Variants in RHBDL2 observed in about 807,000 individuals in gnomAD.
RHBDL2 encodes rhomboid-related protein 2.
A neutral mutation model predicts 31.7 loss-of-function variants in RHBDL2; 26 were observed. That is an observed-to-expected ratio of 0.82 (90% CI 0.60 to 1.14). RHBDL2 has a LOEUF of 1.14. Ranked by LOEUF, RHBDL2 falls within the 50% of genes most tolerant of loss-of-function variation. RHBDL2 has a pLI of 0.00. For synonymous variants in RHBDL2, 123 were observed against 127.2 expected, an observed-to-expected ratio of 0.97 and a Z score of 0.22; for missense variants, 336 against 364.4, an observed-to-expected ratio of 0.92 and a Z score of 0.63.
At chr1:38,898,898 ACT>A (rs1642953702) in intron 4 of RHBDL2, among the ~76,000 whole-genome samples, 1 of 151,936 alleles carries the variant, frequency 6.6e-6, no homozygotes, top group Non-Finnish European at 1.5e-5. Flanking sequence ...GTACTGGAAA[ACT>A]CTTTTGTTTC....
At chr1:38,924,945 C>T (rs1643358051) in intron 1 of RHBDL2, among the ~76,000 whole-genome samples, 2 of 151,712 alleles carry the variant, frequency 1.3e-5, no homozygotes, top group Admixed American at 1.3e-4. Flanking sequence ...CCATACCCAG[C>T]TAATTTTGTA....
At chr1:38,931,930 T>G (rs1643443660) in intron 1 of RHBDL2, among the ~76,000 whole-genome samples, 1 of 152,146 alleles carries the variant, frequency 6.6e-6, no homozygotes, top group Admixed American at 6.5e-5. Flanking sequence ...AGATATGGTT[T>G]GGGTTTGTTT....
At chr1:38,910,829 A>C (rs937565288) in intron 4 of RHBDL2, among the ~76,000 whole-genome samples, 1 of 138,442 alleles carries the variant, frequency 7.2e-6, no homozygotes, top group Non-Finnish European at 1.5e-5. Context: ...TAGAGTGTGG[A>C]GTGCAGTGGC....
chr1:38,894,697 CTTTTTTTTTCTTTTTTTTT>C (rs1413518359), intron 5 of RHBDL2, among the ~76,000 whole-genome samples: 1 of 67,372 alleles, frequency 1.5e-5, no homozygotes, highest in African/African-American at 3.8e-5. Context: ...TCTTTTTTTT[CTTTTTTTTTCTTTTTTTTT>C]TTTTTTTTTG....
At position 38,925,176 on chromosome 1, in the gene RHBDL2, C is replaced by T. The variant is rs1350775896; in HGVS notation, c.-125-5839G>A. Among the ~76,000 whole-genome samples, 14 of 151,984 alleles carry T rather than the reference C, an allele frequency of 9.2e-5. No homozygotes were observed. In the East Asian group the frequency reaches 2.5e-3, roughly 27 times the overall value. On this transcript the variant is annotated intron_variant, in intron 1 of 7. Transcript: ENST00000372990. ...TCAGATGCCCTAATGCACTACATAC[C>T]ACATAGTGTCTCCCAAAATTACATT...
intron 4 of RHBDL2, among the ~76,000 whole-genome samples, chr1:38,904,938 G>A (rs1643043571): frequency 6.7e-6 from 1 of 150,038 alleles, no homozygotes. Flanking sequence ...GGCTGAGGCA[G>A]GAGAATGGCG....
At chr1:38,919,786 C>T (rs1006083773) in intron 1 of RHBDL2, among the ~76,000 whole-genome samples, 1 of 152,016 alleles carries the variant, frequency 6.6e-6, no homozygotes, top group African/African-American at 2.4e-5. Context: ...GTTGGCCAGG[C>T]TGGTCTCGAA....
At chr1:38,934,989 T>C (rs1643479529) in intron 1 of RHBDL2, among the ~76,000 whole-genome samples, 1 of 152,012 alleles carries the variant, frequency 6.6e-6, no homozygotes, top group Non-Finnish European at 1.5e-5. Flanking sequence ...AAAGAAGCTC[T>C]GTTCTGTCTC....
intron 4 of RHBDL2, among the ~76,000 whole-genome samples, chr1:38,903,525 C>G (rs1643021836): frequency 6.6e-6 from 1 of 152,068 alleles, no homozygotes; most frequent in Non-Finnish European, 1.5e-5. Context: ...AAAAACTCTG[C>G]AAGACATAAA....
intron 4 of RHBDL2, among the ~76,000 whole-genome samples, chr1:38,907,143 C>T (rs1379705737): frequency 6.6e-6 from 1 of 152,144 alleles, no homozygotes; most frequent in Non-Finnish European, 1.5e-5. Context: ...AAAAGCAATT[C>T]AACAAAGGAG....
At chr1:38,912,307 T>C (rs1643159768) in intron 3 of RHBDL2, among the ~76,000 whole-genome samples, 1 of 152,098 alleles carries the variant, frequency 6.6e-6, no homozygotes, top group East Asian at 1.9e-4. Flanking sequence ...GGTTTCACCA[T>C]GTTGGTCAGG....
chr1:38,936,951 CTT>C (rs1262544807), intron 1 of RHBDL2, among the ~76,000 whole-genome samples: 20 of 132,300 alleles, frequency 1.5e-4, no homozygotes, highest in Non-Finnish European at 8.2e-5. Flanking sequence ...CTCGAGTGTT[CTT>C]TTTTTTTTTT....
At chr1:38,918,783 A>G (rs1198648088) in intron 2 of RHBDL2, among the ~76,000 whole-genome samples, 184 bp downstream of exon 2, 1 of 152,160 alleles carries the variant, frequency 6.6e-6, no homozygotes. Flanking sequence ...GACCGTGAGT[A>G]TAGGGAAAGC....
intron 6 of RHBDL2, among the ~76,000 whole-genome samples, chr1:38,888,615 T>A (rs935651369): frequency 6.6e-5 from 10 of 152,180 alleles, no homozygotes; most frequent in African/African-American, 2.4e-4. Flanking sequence ...TAAGCAGGAA[T>A]GTGCCTGGTG....
chr1:38,903,642 C>T (rs1022766544), intron 4 of RHBDL2, among the ~76,000 whole-genome samples: 3 of 152,172 alleles, frequency 2.0e-5, no homozygotes, highest in Non-Finnish European at 2.9e-5. Context: ...GTTAAAATGT[C>T]CGTTTTCCCC....
intron 1 of RHBDL2, chr1:38,926,196 G>A: frequency 2.8e-6 from 3 of 1,090,230 alleles, no homozygotes; most frequent in Non-Finnish European, 1.1e-6. Flanking sequence ...TGGAGGTGAG[G>A]ATGGAAAAAA....
chr1:38,908,382 C>G (rs182763572), intron 4 of RHBDL2, among the ~76,000 whole-genome samples: 47 of 151,702 alleles, frequency 3.1e-4, no homozygotes, highest in Non-Finnish European at 5.9e-4. Flanking sequence ...TGTGGTGGTG[C>G]CCACCTGTAA....
Position 38,925,449 on chromosome 1 carries a change from G to A in RHBDL2, c.-125-6112C>T, listed in dbSNP as rs537855506. Among the ~76,000 whole-genome samples, 19 of 152,126 alleles carry A rather than the reference G, an allele frequency of 1.2e-4. No homozygotes were observed. In the East Asian group the frequency reaches 2.7e-3, roughly 22 times the overall value. On this transcript the variant is annotated intron_variant, in intron 1 of 7. Coordinates refer to ENST00000372990, the MANE Select transcript of RHBDL2 (RefSeq NM_017821.5). ...GGAGGTGGAGGTTGCAGTGGGAGGC[G>A]GAGGTTGCAGTGAGCTGAGATTTTG... is the stretch of plus-strand genomic sequence containing the variant.
At chr1:38,929,418 G>C in intron 1 of RHBDL2, 1 of 1,289,446 alleles carries the variant, frequency 7.8e-7, no homozygotes, top group Non-Finnish European at 1.0e-6. Flanking sequence ...CCTCACCCAG[G>C]AAGGCCCTGG....
Sources: allele counts gnomAD v4.1 joint callset (sites outside exome capture counted in the v4.1 genomes callset), GRCh38; gene constraint gnomAD v4.1.1; transcripts MANE v1.5; gene names NCBI Gene and HGNC (gene_info 2026-07-23, HGNC 2026-07-21).